Variants in PRKAA1 observed in about 807,000 individuals in gnomAD.
PRKAA1 encodes protein kinase AMP-activated catalytic subunit alpha 1, also known as 5'-AMP-activated protein kinase catalytic subunit alpha-1.
PRKAA1 carries 23 observed loss-of-function variants against 56.9 expected under a neutral mutation model. The observed-to-expected ratio is 0.40, with a 90% CI of 0.29 to 0.57. PRKAA1 has a LOEUF of 0.57. Among genes scored for constraint, PRKAA1 ranks in the 20% least tolerant of loss-of-function variants. The probability of loss-of-function intolerance (pLI) is 0.39; values close to 1 mark genes in which losing one functional copy is unlikely to be tolerated. For synonymous variants in PRKAA1, 226 were observed against 227.0 expected, an observed-to-expected ratio of 1.00 and a Z score of 0.04; for missense variants, 413 against 679.7, an observed-to-expected ratio of 0.61 and a Z score of 4.36.
chr5:40,766,084 T>C (rs1743419709), intron 6 of PRKAA1, among the ~76,000 whole-genome samples: 1 of 152,182 alleles, frequency 6.6e-6, no homozygotes, highest in Non-Finnish European at 1.5e-5. Context: ...TGGAAGAAAA[T>C]AGGTAAAATA....
chr5:40,777,178 A>C, intron 2 of PRKAA1: 1 of 226,736 alleles, frequency 4.4e-6, no homozygotes, highest in South Asian at 6.8e-5. Flanking sequence ...ATGCCCAGCT[A>C]ATTTTTGTAT....
Position 40,772,618 on chromosome 5 carries a change from T to G in PRKAA1, c.364-755A>C, listed in dbSNP as rs183696359. 7.6e-3 allele frequency among the ~76,000 whole-genome samples: 1,160 copies of G among 151,684 alleles called. 9 individuals carry two copies. The highest frequency in any genetic ancestry group is 0.025 in the African/African-American group (1,035 of 41,318). On this transcript the variant is annotated intron_variant, in intron 3 of 8. Coordinates refer to ENST00000397128, the MANE Select transcript of PRKAA1 (RefSeq NM_006251.6). ...TTCATTTTTGTTTTTTGTGTTTTTT[T>G]GGGGGGGCGGGGTTTTAAATTTATC...
At chr5:40,777,732 G>A (rs1033096573) in intron 1 of PRKAA1, 146 bp from the exon 2 acceptor site, 10 of 691,814 alleles carry the variant, frequency 1.4e-5, no homozygotes, top group African/African-American at 5.6e-5. Flanking sequence ...TCAGGAGTTC[G>A]AAACCAATCT....
At chr5:40,793,801 A>G (rs1168644351) in intron 1 of PRKAA1, among the ~76,000 whole-genome samples, 3 of 152,122 alleles carry the variant, frequency 2.0e-5, no homozygotes, top group Non-Finnish European at 4.4e-5. Flanking sequence ...CTATCCAAGT[A>G]CTTAGAAGAT....
chr5:40,775,678 A>G (rs991834372), intron 2 of PRKAA1, among the ~76,000 whole-genome samples, 175 bp from the exon 3 acceptor site: 1 of 152,234 alleles, frequency 6.6e-6, no homozygotes, highest in Non-Finnish European at 1.5e-5. Flanking sequence ...GGAAACAGAC[A>G]CTAAATAAAT....
chr5:40,796,448 AT>A (rs397975456), intron 1 of PRKAA1, among the ~76,000 whole-genome samples: 34 of 148,982 alleles, frequency 2.3e-4, no homozygotes, highest in East Asian at 3.9e-4. Context: ...AAAAATGAAC[AT>A]TTTTTTTTTT....
chr5:40,762,979 T>C lies in PRKAA1; in HGVS notation c.1479A>G (p.Arg493=). 1 of 1,614,128 alleles carries C rather than the reference T, an allele frequency of 6.2e-7. No individual in the cohort carries two copies. Among genetic ancestry groups the C allele is most frequent in the Non-Finnish European group, 8.5e-7 (1 of 1,179,988 alleles). Reference sequence around the variant, plus strand: ...ATCGATAGTTGCTAACTGATCCCGATCTCTGTGGAGTAGCAGTCCCTGATT... The same window carrying C: ...ATCGATAGTTGCTAACTGATCCCGACCTCTGTGGAGTAGCAGTCCCTGATT... ...EAKSGTATPQ[R]SGSVSNYRSC... Residue 493 remains arginine (R), a synonymous_variant, in exon 9 of 9, where the codon AGA becomes AGG. Coordinates refer to ENST00000397128, the MANE Select transcript of PRKAA1 (RefSeq NM_006251.6).
intron 6 of PRKAA1, 24 bp downstream of exon 6, chr5:40,767,442 A>T: frequency 6.4e-7 from 1 of 1,571,572 alleles, no homozygotes; most frequent in Non-Finnish European, 8.7e-7. Context: ...ATCAGATCTG[A>T]TAACTTCCAA....
chr5:40,793,324 T>C (rs1347755946), intron 1 of PRKAA1, among the ~76,000 whole-genome samples: 1 of 151,524 alleles, frequency 6.6e-6, no homozygotes, highest in Non-Finnish European at 1.5e-5. Context: ...TTGGAAACAA[T>C]AAAGACAATT....
chr5:40,790,974 T>C lies in PRKAA1; in HGVS notation c.127+7089A>G, dbSNP rs1228949460. ...GAAACTGAGGCTCTAAGAGATTCTG[T>C]AAGTTGTGGAAGTAAAGCTATTGTG... On this transcript the variant is annotated intron_variant, in intron 1 of 8. Transcript: ENST00000397128. Among the ~76,000 whole-genome samples, 3 of 152,206 alleles carry C rather than the reference T, an allele frequency of 2.0e-5. No individual in the cohort carries two copies. In the East Asian group the frequency reaches 5.8e-4, roughly 29 times the overall value.
chr5:40,761,518 A>T lies in PRKAA1; in HGVS notation c.*1260T>A, dbSNP rs763565371. 7 of 152,236 alleles carry T rather than the reference A, an allele frequency of 4.6e-5. No homozygotes were observed. Among genetic ancestry groups the T allele is most frequent in the Non-Finnish European group, 7.3e-5 (5 of 68,036 alleles). The allele number at this position is 152,236 out of a possible 1,614,324, so 9.4% of individuals were successfully genotyped here. On this transcript the variant is annotated 3_prime_UTR_variant, in exon 9 of 9. Coordinates refer to ENST00000397128, the MANE Select transcript of PRKAA1 (RefSeq NM_006251.6). ...TAGAGAAAACAAATGACAAAACATT[A>T]ACAACTGCTGAATCTAAATGGTAGA...
At chr5:40,768,656 T>C (rs1743582333) in intron 5 of PRKAA1, 1 of 1,192,068 alleles carries the variant, frequency 8.4e-7, no homozygotes, top group Non-Finnish European at 1.0e-6. Context: ...AAATAGAAAA[T>C]ACTACAGTAT....
rs2112122271 is a variant in PRKAA1 at position 40,798,133 on chromosome 5, G to A, written c.57C>T (p.Asp19=). 2.5e-6 allele frequency: 4 copies of A among 1,604,988 alleles called. No homozygotes were observed. The highest frequency in any genetic ancestry group is 2.6e-6 in the Non-Finnish European group (3 of 1,174,926). ...KMATAEKQKH[D]GRVKIGHYIL... Reference sequence around the variant, plus strand: ...TGTAGTGGCCGATCTTCACCCGCCCGTCGTGTTTCTGCTTCTCGGCTGTCG... The same window carrying A: ...TGTAGTGGCCGATCTTCACCCGCCCATCGTGTTTCTGCTTCTCGGCTGTCG... Residue 19 remains aspartate, a synonymous_variant, in exon 1 of 9, where the codon GAC becomes GAT. Transcript: ENST00000397128.
intron 5 of PRKAA1, chr5:40,768,362 A>C (rs1056064264): frequency 2.4e-6 from 2 of 836,502 alleles, no homozygotes; most frequent in African/African-American, 3.7e-5. Flanking sequence ...ATTAAATTTC[A>C]GTAATAGCCC....
chr5:40,796,898 C>G (rs1744949556), intron 1 of PRKAA1, among the ~76,000 whole-genome samples: 1 of 152,012 alleles, frequency 6.6e-6, no homozygotes, highest in African/African-American at 2.4e-5. Context: ...ATTATTTATC[C>G]AAAGCCAATG....
At chr5:40,778,382 T>G (rs1744113846) in intron 1 of PRKAA1, among the ~76,000 whole-genome samples, 1 of 152,178 alleles carries the variant, frequency 6.6e-6, no homozygotes, top group African/African-American at 2.4e-5. Flanking sequence ...TGTTTAAGAG[T>G]GATTACATAG....
intron 1 of PRKAA1, among the ~76,000 whole-genome samples, chr5:40,790,652 G>C (rs1212175417): frequency 6.6e-6 from 1 of 151,716 alleles, no homozygotes; most frequent in Non-Finnish European, 1.5e-5. Flanking sequence ...CAATTCTCCT[G>C]CCTCAGCCTC....
At chr5:40,790,080 G>A (rs1296653942) in intron 1 of PRKAA1, 3 of 152,320 alleles carry the variant, frequency 2.0e-5, no homozygotes, top group African/African-American at 7.2e-5. Flanking sequence ...TCAGTATCCA[G>A]GTGACTGAGA....
At chr5:40,788,955 A>T (rs1744608856) in intron 1 of PRKAA1, among the ~76,000 whole-genome samples, 1 of 152,196 alleles carries the variant, frequency 6.6e-6, no homozygotes, top group Non-Finnish European at 1.5e-5. Context: ...TCATGCCTGT[A>T]ATCTCAGCAC....
Sources: gnomAD v4.1 joint callset for allele counts (sites outside exome capture counted in the v4.1 genomes callset) on GRCh38, gnomAD v4.1.1 for gene constraint, MANE v1.5 for transcripts, NCBI Gene and HGNC (gene_info 2026-07-23, HGNC 2026-07-21) for gene names.